The following GRM1 variants were observed in gnomAD, a reference collection of about 807,000 sequenced individuals.
GRM1 encodes metabotropic glutamate receptor 1.
GRM1 carries 33 observed loss-of-function variants against 90.9 expected under a neutral mutation model. The ratio of observed to expected loss-of-function variants is 0.36; its 90% confidence interval spans 0.28 to 0.49. The LOEUF is 0.49. Ranked by LOEUF, GRM1 falls within the 20% of genes least tolerant of loss-of-function variation. The pLI is 0.99. For synonymous variants in GRM1, 700 were observed against 613.2 expected (o/e 1.14, Z -2.09); for missense variants, 1,190 against 1,534.3 (o/e 0.78, Z 3.75).
At chr6:146,247,804 G>GTATA (rs377170700) in intron 2 of GRM1, among the ~76,000 whole-genome samples, 2 of 118,900 alleles carry the variant, frequency 1.7e-5, no homozygotes, top group Admixed American at 8.2e-5. Flanking sequence ...GTGTGTGTGT[G>GTATA]TATATATATA....
intron 2 of GRM1, among the ~76,000 whole-genome samples, chr6:146,226,870 AC>A (rs1780258440): frequency 6.6e-6 from 1 of 152,150 alleles, no homozygotes; most frequent in East Asian, 1.9e-4. Flanking sequence ...ATGCTCTGCC[AC>A]AGTATCTGTT....
intron 1 of GRM1, among the ~76,000 whole-genome samples, chr6:146,050,387 C>T (rs1266308219): frequency 6.6e-6 from 1 of 151,972 alleles, no homozygotes; most frequent in African/African-American, 2.4e-5. Flanking sequence ...GAGGCATTGT[C>T]AGAGGGTAAG....
chr6:146,328,221 A>T (rs994158085), intron 3 of GRM1, among the ~76,000 whole-genome samples: 2 of 152,210 alleles, frequency 1.3e-5, no homozygotes, highest in Non-Finnish European at 2.9e-5. Context: ...TAGAATTCCT[A>T]TGTGAACAGG....
chr6:146,330,452 T>G (rs1185698232), intron 3 of GRM1, among the ~76,000 whole-genome samples: 1 of 152,188 alleles, frequency 6.6e-6, no homozygotes, highest in Non-Finnish European at 1.5e-5. Flanking sequence ...TCACATGTCT[T>G]TTTATATTAT....
chr6:146,246,416 T>C (rs1432900411), intron 2 of GRM1, among the ~76,000 whole-genome samples: 1 of 152,162 alleles, frequency 6.6e-6, no homozygotes, highest in Admixed American at 6.6e-5. Flanking sequence ...TGGCTCTTTG[T>C]AATAGCTTTG....
intron 5 of GRM1, among the ~76,000 whole-genome samples, chr6:146,360,890 G>A (rs2115062414): frequency 6.6e-6 from 1 of 152,320 alleles, no homozygotes; most frequent in South Asian, 2.1e-4. Context: ...AAAACAAGGT[G>A]ACATGTTATT....
chr6:146,294,452 A>G (rs1166329116), intron 2 of GRM1, among the ~76,000 whole-genome samples: 7 of 152,086 alleles, frequency 4.6e-5, no homozygotes, highest in Admixed American at 3.9e-4. Context: ...GCTATATATT[A>G]ATTTTTAAAA....
chr6:146,307,195 T>C (rs1396618619), intron 3 of GRM1, among the ~76,000 whole-genome samples: 1 of 152,194 alleles, frequency 6.6e-6, no homozygotes, highest in African/African-American at 2.4e-5. Context: ...AATTTACAAA[T>C]CTTGATTTAT....
At chr6:146,327,319 A>G (rs1172170462) in intron 3 of GRM1, among the ~76,000 whole-genome samples, 2 of 152,182 alleles carry the variant, frequency 1.3e-5, no homozygotes, top group Non-Finnish European at 2.9e-5. Flanking sequence ...GTGTTTAGAG[A>G]CAAAATAGGT....
chr6:146,228,431 A>C (rs1204651070), intron 2 of GRM1, among the ~76,000 whole-genome samples: 1 of 152,158 alleles, frequency 6.6e-6, no homozygotes, highest in African/African-American at 2.4e-5. Flanking sequence ...TAATGTGATA[A>C]TGAACCCATT....
chr6:146,132,007 C>T (rs1046658859), intron 1 of GRM1, among the ~76,000 whole-genome samples: 9 of 152,032 alleles, frequency 5.9e-5, no homozygotes, highest in Admixed American at 3.3e-4. Context: ...TGAAGTCTCC[C>T]GGCAAGGAAA....
At chr6:146,349,306 C>T (rs978007357) in intron 3 of GRM1, among the ~76,000 whole-genome samples, 5 of 150,750 alleles carry the variant, frequency 3.3e-5, no homozygotes, top group South Asian at 4.2e-4. Flanking sequence ...TGGTCTCGAT[C>T]TCCTGACCTC....
intron 5 of GRM1, among the ~76,000 whole-genome samples, chr6:146,358,701 CTAAGT>C (rs573739689): frequency 3.7e-4 from 56 of 152,226 alleles, no homozygotes; most frequent in African/African-American, 1.3e-3. Flanking sequence ...TCATATAATG[CTAAGT>C]TTAGACAGAG....
In GRM1 at chr6:146,434,631, T is replaced by G; in HGVS notation, c.3420T>G (p.Asp1140Glu). The change falls in exon 8 of 8, where the codon GAT (aspartate) becomes GAG (glutamate). Residue 1140 changes from aspartate (D) to glutamate (E), a missense_variant. Physicochemically the swap from Asp to Glu is conservative, Grantham distance 45 (BLOSUM62 2). This residue lies in a region of GRM1 where 400 missense variants were observed against 360.8 expected (regional missense o/e 1.11). Transcript: ENST00000282753. ...AGGCGGCCAGCAAACTGACCCCGGATGATTCGCCTGCGCTGACGCCTCCGT... is the reference window on the plus strand; with the variant it reads ...AGGCGGCCAGCAAACTGACCCCGGAGGATTCGCCTGCGCTGACGCCTCCGT... ...DLQAASKLTP[D>E]DSPALTPPSP... is the part of the protein sequence containing the mutation. 2 of 1,611,854 alleles carry G rather than the reference T, an allele frequency of 1.2e-6. No individual in the cohort carries two copies. Among genetic ancestry groups the G allele is most frequent in the Non-Finnish European group, 1.7e-6 (2 of 1,179,994 alleles).
chr6:146,382,794 A>G (rs752486371), intron 5 of GRM1, among the ~76,000 whole-genome samples: 2 of 152,112 alleles, frequency 1.3e-5, no homozygotes, highest in Non-Finnish European at 2.9e-5. Flanking sequence ...ACACTCATTT[A>G]TTGGCTGTGT....
intron 4 of GRM1, among the ~76,000 whole-genome samples, chr6:146,355,555 G>C (rs945116890): frequency 1.3e-5 from 2 of 152,154 alleles, no homozygotes; most frequent in African/African-American, 4.8e-5. Flanking sequence ...GAAATTGCAA[G>C]AATCTGGATG....
At chr6:146,356,470 A>G (rs747111698) in intron 4 of GRM1, among the ~76,000 whole-genome samples, 3 of 152,120 alleles carry the variant, frequency 2.0e-5, no homozygotes, top group Non-Finnish European at 2.9e-5. Context: ...CATTCATGAG[A>G]ACTTTGTCCT....
rs766941934 is a variant in GRM1, at chr6:146,398,762, A to C, written c.1730-7A>C. ...GATTCATGCTCAAATGATTTTTCTC[A>C]TCACAGGCTGTGAGCCCATTCCTGT... On this transcript the variant is annotated splice_region_variant and splice_polypyrimidine_tract_variant and intron_variant, in intron 6 of 7. Coordinates refer to ENST00000282753, the MANE Select transcript of GRM1 (RefSeq NM_001278064.2). 6.3e-7 allele frequency: 1 copy of C among 1,597,070 alleles called. No individual in the cohort carries two copies. The highest frequency in any genetic ancestry group is 8.6e-7 in the Non-Finnish European group (1 of 1,164,398).
intron 2 of GRM1, among the ~76,000 whole-genome samples, chr6:146,233,460 G>A (rs1002708536): frequency 6.6e-6 from 1 of 151,926 alleles, no homozygotes; most frequent in Non-Finnish European, 1.5e-5. Flanking sequence ...TACTATGACG[G>A]TGTTCTCATA....
Sources: gnomAD v4.1 joint callset for allele counts (sites outside exome capture counted in the v4.1 genomes callset) on GRCh38, gnomAD v4.1.1 for gene constraint, gnomAD v4.1.1 regional missense constraint, MANE v1.5 for transcripts, NCBI Gene and HGNC (gene_info 2026-07-23, HGNC 2026-07-21) for gene names.